The following MS4A2 variants were observed in gnomAD, a reference collection of about 807,000 sequenced individuals.
MS4A2 encodes membrane spanning 4-domains A2.
MS4A2 carries 26 observed loss-of-function variants against 27.9 expected under a neutral mutation model. That is an observed-to-expected ratio of 0.93 (90% confidence interval 0.68 to 1.29). MS4A2 has a LOEUF of 1.29. MS4A2 is among the 50% of genes most tolerant of loss of function. The pLI is 0.00. For missense variants in MS4A2, 284 were observed against 284.6 expected, an observed-to-expected ratio of 1.00 and a Z score of 0.01; for synonymous variants, 110 against 98.8, an observed-to-expected ratio of 1.11 and a Z score of -0.67.
At chr11:60,095,270 A>G (rs1855848940) in intron 6 of MS4A2, among the ~76,000 whole-genome samples, 1 of 152,190 alleles carries the variant, frequency 6.6e-6, no homozygotes, top group Non-Finnish European at 1.5e-5. Context: ...CTCAAAAAAA[A>G]TAAAAGAAAT....
In MS4A2 at chr11:60,094,012, G is replaced by A; in HGVS notation, c.586G>A (p.Ala196Thr). 1 of 1,614,066 alleles carries A rather than the reference G, an allele frequency of 6.2e-7. No homozygotes were observed. The highest frequency in any genetic ancestry group is 8.5e-7 in the Non-Finnish European group (1 of 1,179,928). Residue 196 changes from alanine (A) to threonine (T), a missense_variant, in exon 6 of 7, where the codon GCT becomes ACT. By Grantham distance (58) the Ala-to-Thr change is moderately conservative. Coordinates refer to ENST00000278888, the MANE Select transcript of MS4A2 (RefSeq NM_000139.5). ...TCTCACCATTCTGGGACTTGGTAGT[G>A]CTGTGTCACTCACAATCTGTGGAGC... is the stretch of plus-strand genomic sequence containing the variant. Reference protein sequence around the residue: ...LFLTILGLGSAVSLTICGAGE... With the variant: ...LFLTILGLGSTVSLTICGAGE...
rs199866222 is a variant in MS4A2, at chr11:60,093,465, G to A, written c.444G>A (p.Leu148=). 6.8e-6 allele frequency: 11 copies of A among 1,614,156 alleles called. No individual in the cohort carries two copies. The East Asian group carries it at 2.5e-4, about 36-fold the overall frequency. ...SIAGGTGITI[L]IINLKKSLAY... ...CTGGGGGAACGGGAATTACCATCCT[G>A]ATCATCAACCTGAAGAAGAGCTTGG... Residue 148 remains leucine (L), a synonymous_variant, in exon 5 of 7, where the codon CTG becomes CTA. Coordinates refer to ENST00000278888, the MANE Select transcript of MS4A2 (RefSeq NM_000139.5).
chr11:60,090,952 G>A (rs1855748439), intron 3 of MS4A2, among the ~76,000 whole-genome samples: 1 of 152,196 alleles, frequency 6.6e-6, no homozygotes, highest in Non-Finnish European at 1.5e-5. Flanking sequence ...AGGAGTTTGA[G>A]ACCAGCCTGA....
rs924379619 is a variant in MS4A2 at position 60,091,465 on chromosome 11, C to T, written c.321+995C>T. 2.0e-5 allele frequency among the ~76,000 whole-genome samples: 3 copies of T among 152,328 alleles called. No homozygotes were observed. In the South Asian group the frequency reaches 6.2e-4, roughly 32 times the overall value. ...ACATGAAAACATCACCACATTAATA[C>T]AATGTATGTATCCATCATTTCCAAA... On this transcript the variant is annotated intron_variant, in intron 3 of 6. Coordinates refer to ENST00000278888, the MANE Select transcript of MS4A2 (RefSeq NM_000139.5).
At chr11:60,093,809 TGTG>T in intron 5 of MS4A2, 152 bp from the exon 6 acceptor site, 3 of 625,980 alleles carry the variant, frequency 4.8e-6, no homozygotes. Flanking sequence ...TGTTTGTGTG[TGTG>T]TGTGTGTGTG....
At chr11:60,091,028 G>C (rs761539943) in intron 3 of MS4A2, among the ~76,000 whole-genome samples, 13 of 152,104 alleles carry the variant, frequency 8.5e-5, no homozygotes, top group Non-Finnish European at 1.9e-4. Context: ...GTGCATGCCT[G>C]TAATCCCAGC....
intron 6 of MS4A2, 67 bp from the exon 7 acceptor site, chr11:60,095,491 C>G: frequency 3.0e-6 from 3 of 990,532 alleles, no homozygotes; most frequent in Non-Finnish European, 4.9e-6. Context: ...AGGTAAGTCT[C>G]TTGAGCGAGA....
rs1590633756 is a variant in MS4A2 at position 60,093,982 on chromosome 11, C to G, written c.556C>G (p.Leu186Val). 6.2e-7 allele frequency: 1 copy of G among 1,613,442 alleles called. No homozygotes were observed. Residue 186 changes from leucine (L) to valine (V), a missense_variant, in exon 6 of 7, where the codon CTG (leucine) becomes GTG (valine). By Grantham distance (32) the Leu-to-Val change is conservative. Coordinates refer to ENST00000278888, the MANE Select transcript of MS4A2 (RefSeq NM_000139.5). ...TCAATAGGAAATTGTAGTGATGATG[C>G]TGTTTCTCACCATTCTGGGACTTGG... ...SFSTEIVVMM[L>V]FLTILGLGSA...
rs368370790 is a variant in MS4A2, at chr11:60,098,335, C to T, written c.*2679C>T. ...CTGAATGAACACCTTTTCATCCAGC[C>T]TTAATTTCTTGCTCCATAACTACTC... is the stretch of plus-strand genomic sequence containing the variant. On this transcript the variant is annotated 3_prime_UTR_variant, in exon 7 of 7. Transcript: ENST00000278888. 3 of 152,284 alleles carry T rather than the reference C, an allele frequency of 2.0e-5. No homozygotes were observed. Among genetic ancestry groups the T allele is most frequent in the East Asian group, 3.9e-4 (2 of 5,182 alleles). 9.4% of individuals were successfully genotyped at this position (152,284 alleles called of 1,614,324 possible).
In MS4A2 at chr11:60,090,279, G is replaced by T. The variant is rs369918772; in HGVS notation, c.187-57G>T. 3.8e-6 allele frequency: 6 copies of T among 1,562,192 alleles called. No individual in the cohort carries two copies. In the South Asian group the frequency reaches 5.6e-5, roughly 14 times the overall value. Reference sequence around the variant, plus strand: ...TGTTTGGCTTCTATTATTAAAAAATGATACAATCTCGGGAAAATTTTTTTG... The same window carrying T: ...TGTTTGGCTTCTATTATTAAAAAATTATACAATCTCGGGAAAATTTTTTTG... On this transcript the variant is annotated intron_variant, in intron 2 of 6. Coordinates refer to ENST00000278888, the MANE Select transcript of MS4A2 (RefSeq NM_000139.5).
At chr11:60,094,364 C>A (rs1855828960) in intron 6 of MS4A2, among the ~76,000 whole-genome samples, 1 of 152,218 alleles carries the variant, frequency 6.6e-6, no homozygotes, top group South Asian at 2.1e-4. Context: ...GAGGAAACCA[C>A]CCAGGTATCT....
rs905992942 is a variant in MS4A2, at chr11:60,088,669, A to G, written c.-97A>G. The G allele has an allele frequency of 1.4e-5, 22 of 1,551,374 alleles. No individual in the cohort carries two copies. In the African/African-American group the frequency reaches 2.1e-4, roughly 15 times the overall value. ...AATCATCAATGTCATGAGGTAACCC[A>G]TTTCAACTGCCTATTCAGAGCATGC... On this transcript the variant is annotated 5_prime_UTR_variant, in exon 1 of 7. Coordinates refer to ENST00000278888, the MANE Select transcript of MS4A2 (RefSeq NM_000139.5).
chr11:60,095,636 TCTCCTCCCATTGATTTATAA>T lies in MS4A2; in HGVS notation c.716_735del (p.Ser239Ter). ...TGAGTTGGAAGACCCAGGGGAAATG[TCTCCTCCCATTGATTTATAA>T]GAATCACGTGTCCAGAACACTCTGA... On this transcript the variant is annotated frameshift_variant and stop_lost, in exon 7 of 7. Transcript: ENST00000278888. LOFTEE classifies it high-confidence loss of function. The T allele has an allele frequency of 6.2e-7, 1 of 1,607,164 alleles. No individual in the cohort carries two copies. The highest frequency in any genetic ancestry group is 2.2e-5 in the East Asian group (1 of 44,814).
intron 3 of MS4A2, among the ~76,000 whole-genome samples, chr11:60,091,382 A>G (rs1855755756): frequency 6.6e-6 from 1 of 152,222 alleles, no homozygotes; most frequent in African/African-American, 2.4e-5. Context: ...TAATTGACAT[A>G]TAATAAATTG....
intron 6 of MS4A2, among the ~76,000 whole-genome samples, chr11:60,095,202 C>T (rs1260794960): frequency 3.3e-5 from 5 of 152,112 alleles, no homozygotes; most frequent in Non-Finnish European, 7.4e-5. Context: ...GCGGAAGTTG[C>T]AGTGAGCCAA....
rs1221636399 is a variant in MS4A2, at chr11:60,092,864, C to G, written c.378+16C>G. The G allele has an allele frequency of 6.2e-7, 1 of 1,610,918 alleles. No homozygotes were observed. ...AACATATCTGGTGAGTTGCCCGTTTCTGTCTTTGTCCATCCTTGAAAAGAT... is the reference window on the plus strand; with the variant it reads ...AACATATCTGGTGAGTTGCCCGTTTGTGTCTTTGTCCATCCTTGAAAAGAT... On this transcript the variant is annotated intron_variant, in intron 4 of 6. Coordinates refer to ENST00000278888, the MANE Select transcript of MS4A2 (RefSeq NM_000139.5).
At chr11:60,089,220 G>T (rs1421711566) in intron 1 of MS4A2, among the ~76,000 whole-genome samples, 1 of 152,160 alleles carries the variant, frequency 6.6e-6, no homozygotes, top group Non-Finnish European at 1.5e-5. Flanking sequence ...TAAGCTGTGG[G>T]ATGCTTCTCT....
rs1855694528 is a variant in MS4A2, at chr11:60,088,726, A to T, written c.-40A>T. The T allele has an allele frequency of 6.3e-7, 1 of 1,594,872 alleles. No homozygotes were observed. Among genetic ancestry groups the T allele is most frequent in the Non-Finnish European group, 8.6e-7 (1 of 1,168,336 alleles). On this transcript the variant is annotated 5_prime_UTR_variant, in exon 1 of 7. Transcript: ENST00000278888. ...AGGAAATCCACCAAGTCTCAATATA[A>T]TAATATTCTTTATTCCTGGACAGCT...
chr11:60,089,192 AT>A (rs148720200), intron 1 of MS4A2, among the ~76,000 whole-genome samples: 3,176 of 152,264 alleles, frequency 0.021, 123 homozygotes, highest in African/African-American at 0.072. Context: ...CTGCTTCTTG[AT>A]TGGTCTTTAT....
Sources: allele counts gnomAD v4.1 joint callset (sites outside exome capture counted in the v4.1 genomes callset), GRCh38; gene constraint gnomAD v4.1.1; transcripts MANE v1.5; gene names NCBI Gene and HGNC (gene_info 2026-07-23, HGNC 2026-07-21).